Variants in CDH3 observed in about 807,000 individuals in gnomAD.
The protein encoded by CDH3 is cadherin 3.
CDH3 carries 54 observed loss-of-function variants against 82.0 expected under a neutral mutation model. The ratio of observed to expected loss-of-function variants is 0.66; its 90% CI spans 0.53 to 0.83. The LOEUF (loss-of-function observed/expected upper bound fraction) is 0.83. Among genes scored for constraint, CDH3 ranks in the 40% least tolerant of loss-of-function variants. The probability of loss-of-function intolerance (pLI) is 0.00; values close to 1 mark genes in which losing one functional copy is unlikely to be tolerated. For synonymous variants in CDH3, 446 were observed against 437.9 expected (o/e 1.02, Z -0.23); for missense variants, 1,054 against 1,084.6 (o/e 0.97, Z 0.40).
rs768241655 is a variant in CDH3 at position 68,682,330 on chromosome 16, T to C, written c.1025T>C (p.Val342Ala). ...KYEAHVPENAVGHEVQRLTVT... is the reference protein window; with the variant it reads ...KYEAHVPENAAGHEVQRLTVT... ...GAGGCCCATGTGCCTGAGAATGCAGTGGGCCATGAGGTGCAGAGGCTGACG... is the reference window on the plus strand; with the variant it reads ...GAGGCCCATGTGCCTGAGAATGCAGCGGGCCATGAGGTGCAGAGGCTGACG... Residue 342 changes from valine to alanine, a missense_variant, in exon 9 of 16, where the codon GTG (valine) becomes GCG (alanine). By Grantham distance (64) the Val-to-Ala change is moderately conservative. Coordinates refer to ENST00000264012, the MANE Select transcript of CDH3 (RefSeq NM_001793.6). The C allele has an allele frequency of 1.2e-6, 2 of 1,613,958 alleles. No individual in the cohort carries two copies. The highest frequency in any genetic ancestry group is 2.7e-5 in the African/African-American group (2 of 75,034).
At chr16:68,670,223 C>CAAAAAAA (rs71148932) in intron 2 of CDH3, among the ~76,000 whole-genome samples, 3 of 91,010 alleles carry the variant, frequency 3.3e-5, no homozygotes, top group African/African-American at 8.3e-5. Flanking sequence ...GACTCTGTCT[C>CAAAAAAA]AAAAAAAAAA....
In CDH3 at chr16:68,691,338, T is replaced by TA. The variant is rs375382275; in HGVS notation, c.1796-372dup. ...TTTCTTAATAAAGTTGCTTTTACTT[T>TA]AAAAAAAAAATGGGTTAGCTATCTT... On this transcript the variant is annotated intron_variant, in intron 12 of 15. Transcript: ENST00000264012. Among the ~76,000 whole-genome samples, 639 of 149,108 alleles carry TA rather than the reference T, an allele frequency of 4.3e-3. 3 individuals are homozygous for TA. The highest frequency in any genetic ancestry group is 0.014 in the African/African-American group (579 of 40,784).
At chr16:68,710,466 A>C (rs1962012555) in intron 1 of CDH3, among the ~76,000 whole-genome samples, 1 of 152,142 alleles carries the variant, frequency 6.6e-6, no homozygotes, top group South Asian at 2.1e-4. Flanking sequence ...ACTGGCATCT[A>C]ATGAGTAGAG....
rs201767341 is a variant in CDH3, at chr16:68,682,291, C to T, written c.997-11C>T. ...TCTGCTCTGATAGTGCTGTGCTTCT[C>T]ACACTGACAGTACGAGGCCCATGTG... On this transcript the variant is annotated splice_polypyrimidine_tract_variant and intron_variant, in intron 8 of 15. Coordinates refer to ENST00000264012, the MANE Select transcript of CDH3 (RefSeq NM_001793.6). 140 of 1,612,970 alleles carry T rather than the reference C, an allele frequency of 8.7e-5. No homozygotes were observed. In the African/African-American group the frequency reaches 1.6e-3, roughly 18 times the overall value.
At chr16:68,711,854 A>G (rs903994732) in intron 1 of CDH3, among the ~76,000 whole-genome samples, 6 of 151,888 alleles carry the variant, frequency 4.0e-5, no homozygotes, top group African/African-American at 1.5e-4. Context: ...TGGGAGGATA[A>G]GAGGAACAAG....
chr16:68,645,609 T>C, intron 1 of CDH3, 27 bp from the exon 2 acceptor site: 3 of 1,527,220 alleles, frequency 2.0e-6, no homozygotes, highest in Non-Finnish European at 2.6e-6. Context: ...GGACCCAGCC[T>C]CCTTCACTCT....
intron 2 of CDH3, among the ~76,000 whole-genome samples, chr16:68,653,298 G>A (rs1240182522): frequency 2.0e-5 from 3 of 151,330 alleles, no homozygotes; most frequent in Non-Finnish European, 2.9e-5. Flanking sequence ...GTGCAATGGC[G>A]TGATCTTGGC....
chr16:68,652,854 T>A (rs1009977657), intron 2 of CDH3, among the ~76,000 whole-genome samples: 2 of 152,230 alleles, frequency 1.3e-5, no homozygotes, highest in Non-Finnish European at 2.9e-5. Flanking sequence ...CATTGAGAGA[T>A]TCTTGCGTAA....
intron 15 of CDH3, 117 bp from the exon 16 acceptor site, chr16:68,698,074 C>T (rs745982384): frequency 4.3e-6 from 4 of 920,372 alleles, no homozygotes; most frequent in Middle Eastern, 2.1e-4. Flanking sequence ...TCTTTCATTT[C>T]TACCTCCAAA....
At chr16:68,654,901 T>C (rs904358443) in intron 2 of CDH3, among the ~76,000 whole-genome samples, 7 of 151,502 alleles carry the variant, frequency 4.6e-5, no homozygotes, top group Non-Finnish European at 1.0e-4. Context: ...CCTGGCGTGG[T>C]GGTGTGCGCC....
At chr16:68,686,699 T>C (rs999948866) in intron 11 of CDH3, 2 of 762,218 alleles carry the variant, frequency 2.6e-6, no homozygotes, top group Admixed American at 1.7e-5. Flanking sequence ...TAAGTCACTA[T>C]TGGAATGGCA....
intron 2 of CDH3, among the ~76,000 whole-genome samples, chr16:68,668,584 TTTCATGAAA>T (rs1272400355): frequency 6.6e-6 from 1 of 152,170 alleles, no homozygotes; most frequent in Non-Finnish European, 1.5e-5. Context: ...AGGCCAGCTT[TTTCATGAAA>T]TCTCCGTCTT....
intron 8 of CDH3, 108 bp downstream of exon 8, chr16:68,681,204 A>G (rs1048362819): frequency 8.0e-7 from 1 of 1,244,256 alleles, no homozygotes; most frequent in Non-Finnish European, 1.2e-6. Context: ...CAGTCTCAGC[A>G]CTATGGCTGT....
chr16:68,660,604 A>G (rs1318314916), intron 2 of CDH3, among the ~76,000 whole-genome samples: 1 of 152,212 alleles, frequency 6.6e-6, no homozygotes, highest in Non-Finnish European at 1.5e-5. Context: ...TTAAACTCAA[A>G]TATTGCTGCA....
At chr16:68,671,027 TAC>T (rs1275164855) in intron 2 of CDH3, among the ~76,000 whole-genome samples, 1 of 152,030 alleles carries the variant, frequency 6.6e-6, no homozygotes, top group Non-Finnish European at 1.5e-5. Flanking sequence ...AAGCTGAGAT[TAC>T]ACCACTGCAC....
intron 2 of CDH3, among the ~76,000 whole-genome samples, chr16:68,663,765 T>C (rs1205807537): frequency 2.0e-5 from 3 of 152,110 alleles, no homozygotes; most frequent in South Asian, 2.1e-4. Flanking sequence ...CTAAACCATA[T>C]GCCAGGCATT....
chr16:68,658,323 C>T (rs1024813922), intron 2 of CDH3, among the ~76,000 whole-genome samples: 1 of 152,148 alleles, frequency 6.6e-6, no homozygotes, highest in Non-Finnish European at 1.5e-5. Flanking sequence ...GTATATATCC[C>T]AGCACAGGCA....
chr16:68,685,249 C>G lies in CDH3; in HGVS notation c.1469C>G (p.Pro490Arg), dbSNP rs2152102869. 6.2e-7 allele frequency: 1 copy of G among 1,614,162 alleles called. No homozygotes were observed. Among genetic ancestry groups the G allele is most frequent in the East Asian group, 2.2e-5 (1 of 44,882 alleles). ...CCAGCAGGGTGGCTAGCCATGGACC[C>G]AGACAGTGGGCAGGTCACAGCTGTG... ...RDPAGWLAMD[P>R]DSGQVTAVGT... is the part of the protein sequence containing the mutation. The change falls in exon 11 of 16, where the codon CCA becomes CGA. Residue 490 changes from proline to arginine, a missense_variant. Coordinates refer to ENST00000264012, the MANE Select transcript of CDH3 (RefSeq NM_001793.6).
At chr16:68,690,544 C>T (rs966256921) in intron 12 of CDH3, among the ~76,000 whole-genome samples, 1 of 151,924 alleles carries the variant, frequency 6.6e-6, no homozygotes, top group African/African-American at 2.4e-5. Flanking sequence ...GCCCATGAGG[C>T]AGAGGTTGCA....
Sources: allele counts gnomAD v4.1 joint callset (sites outside exome capture counted in the v4.1 genomes callset), GRCh38; gene constraint gnomAD v4.1.1; transcripts MANE v1.5; gene names NCBI Gene and HGNC (gene_info 2026-07-23, HGNC 2026-07-21).